The following CBX1 variants were observed in gnomAD, a reference collection of about 807,000 sequenced individuals.
CBX1 encodes chromobox protein homolog 1.
CBX1 carries 10 observed loss-of-function variants against 25.1 expected under a neutral mutation model. The observed-to-expected ratio is 0.40, with a 90% CI of 0.25 to 0.68. The LOEUF (loss-of-function observed/expected upper bound fraction) is 0.68, where lower values mean the gene tolerates loss of function less well. CBX1 is among the 30% of genes least tolerant of loss of function. The probability of loss-of-function intolerance (pLI) is 0.40; values close to 1 mark genes in which losing one functional copy is unlikely to be tolerated. For missense variants in CBX1, 106 were observed against 218.5 expected (o/e 0.49, Z 3.25); for synonymous variants, 63 against 79.4 (o/e 0.79, Z 1.10).
chr17:48,076,313 T>A, intron 2 of CBX1, 135 bp from the exon 3 acceptor site: 1 of 619,560 alleles, frequency 1.6e-6, no homozygotes, highest in Admixed American at 3.3e-5. Context: ...AGCTTTTTAG[T>A]ATAAATAGAA....
intron 4 of CBX1, among the ~76,000 whole-genome samples, chr17:48,072,649 G>A (rs1027387000): frequency 6.6e-6 from 1 of 152,024 alleles, no homozygotes; most frequent in Non-Finnish European, 1.5e-5. Context: ...CTGGTGTGGT[G>A]GCAGGCACCT....
intron 1 of CBX1, among the ~76,000 whole-genome samples, chr17:48,091,388 T>G (rs546929658): frequency 6.6e-6 from 1 of 152,168 alleles, no homozygotes; most frequent in African/African-American, 2.4e-5. Context: ...CTTTTTTTTT[T>G]TTAAGATGGA....
intron 1 of CBX1, among the ~76,000 whole-genome samples, chr17:48,080,785 G>A (rs2037722453): frequency 6.7e-6 from 1 of 150,344 alleles, no homozygotes; most frequent in Admixed American, 6.7e-5. Context: ...GCTGGGTATG[G>A]TGGCGCTCGC....
Position 48,076,962 on chromosome 17 carries a change from C to T in CBX1, c.43G>A (p.Glu15Lys). The T allele has an allele frequency of 6.2e-7, 1 of 1,613,880 alleles. No individual in the cohort carries two copies. The highest frequency in any genetic ancestry group is 8.5e-7 in the Non-Finnish European group (1 of 1,179,882). ...QNKKKVEEVL[E>K]EEEEEYVVEK... ...ACCACATATTCCTCTTCCTCCTCTTCTAGCACCTCCTCCACTTTCTTCTTG... is the reference window on the plus strand; with the variant it reads ...ACCACATATTCCTCTTCCTCCTCTTTTAGCACCTCCTCCACTTTCTTCTTG... Residue 15 changes from glutamate to lysine, a missense_variant, in exon 2 of 5, where the codon GAA becomes AAA. This residue lies in a region of CBX1 where 19 missense variants were observed against 17.3 expected (regional missense o/e 1.10). Transcript: ENST00000225603.
rs1028441972 is a variant in CBX1 at position 48,092,224 on chromosome 17, G to A, written c.-38+9044C>T. Among the ~76,000 whole-genome samples, 105 of 150,086 alleles carry A rather than the reference G, an allele frequency of 7.0e-4. 1 individual carries two copies. Among genetic ancestry groups the A allele is most frequent in the African/African-American group, 2.4e-3 (97 of 40,842 alleles). On this transcript the variant is annotated intron_variant, in intron 1 of 4. Transcript: ENST00000225603. ...AGGCTGGTCTCGAACTCCTGACCTC[G>A]GGTAATCTGCCCGCCTCGCCCTCCC... is the stretch of plus-strand genomic sequence containing the variant.
At position 48,071,206 on chromosome 17, in the gene CBX1, G is replaced by C. The variant is rs377519810; in HGVS notation, c.*229C>G. On this transcript the variant is annotated 3_prime_UTR_variant, in exon 5 of 5. Coordinates refer to ENST00000225603, the MANE Select transcript of CBX1 (RefSeq NM_001127228.2). ...GCTTTTCGCAGCAAAGTGCAGAAAA[G>C]GTTGCCTTGAAACACTTATCCCCTT... 9 of 383,524 alleles carry C rather than the reference G, an allele frequency of 2.3e-5. No homozygotes were observed. The highest frequency in any genetic ancestry group is 2.1e-4 in the Admixed American group (5 of 23,930). 23.8% of individuals were successfully genotyped at this position (383,524 alleles called of 1,614,324 possible).
chr17:48,100,647 C>G (rs1447443154), intron 1 of CBX1: 1 of 850,014 alleles, frequency 1.2e-6, no homozygotes, highest in Non-Finnish European at 1.4e-6. Context: ...CCTACTTATC[C>G]TAACAGCTCC....
intron 1 of CBX1, among the ~76,000 whole-genome samples, chr17:48,100,000 G>A (rs11869625): frequency 0.73 from 110,314 of 151,666 alleles, 40,851 homozygotes; most frequent in Admixed American, 0.82. Context: ...TTAGCCGGGC[G>A]TGGTGGCGTG....
At position 48,075,982 on chromosome 17, in the gene CBX1, T is replaced by C. The variant is rs2037671390; in HGVS notation, c.318+19A>G. ...AGTTTGAATTGTGGGCTAGTAAAAA[T>C]TCTTACTTCTATTCTTACCTCTTCT... On this transcript the variant is annotated intron_variant, in intron 3 of 4. Coordinates refer to ENST00000225603, the MANE Select transcript of CBX1 (RefSeq NM_001127228.2). 5 of 1,534,854 alleles carry C rather than the reference T, an allele frequency of 3.3e-6. No homozygotes were observed. Among genetic ancestry groups the C allele is most frequent in the Non-Finnish European group, 4.4e-6 (5 of 1,127,846 alleles).
chr17:48,071,213 T>C lies in CBX1; in HGVS notation c.*222A>G. On this transcript the variant is annotated 3_prime_UTR_variant, in exon 5 of 5. Transcript: ENST00000225603. ...GCAGCAAAGTGCAGAAAAGGTTGCCTTGAAACACTTATCCCCTTTCCCCTC... is the reference window on the plus strand; with the variant it reads ...GCAGCAAAGTGCAGAAAAGGTTGCCCTGAAACACTTATCCCCTTTCCCCTC... The C allele has an allele frequency of 2.5e-6, 1 of 396,854 alleles. No homozygotes were observed. The highest frequency in any genetic ancestry group is 4.5e-6 in the Non-Finnish European group (1 of 223,938). 24.6% of individuals were successfully genotyped at this position (396,854 alleles called of 1,614,324 possible).
intron 1 of CBX1, among the ~76,000 whole-genome samples, chr17:48,095,083 C>T (rs1275631683): frequency 2.6e-5 from 4 of 151,988 alleles, no homozygotes; most frequent in Non-Finnish European, 5.9e-5. Context: ...GTAGTGTGCT[C>T]CTGTACAGGG....
At chr17:48,074,378 C>T (rs1489652565) in intron 4 of CBX1, among the ~76,000 whole-genome samples, 3 of 152,186 alleles carry the variant, frequency 2.0e-5, no homozygotes, top group Non-Finnish European at 4.4e-5. Flanking sequence ...CTTCTTTTGA[C>T]AGAGTAGGAA....
intron 1 of CBX1, among the ~76,000 whole-genome samples, chr17:48,096,617 C>CA (rs1185601312): frequency 1.3e-5 from 2 of 151,524 alleles, no homozygotes; most frequent in Non-Finnish European, 2.9e-5. Context: ...ACTAAAAATA[C>CA]AAAAAAAGTT....
At chr17:48,088,165 C>T (rs1598311901) in intron 1 of CBX1, 1 of 150,628 alleles carries the variant, frequency 6.6e-6, no homozygotes, top group African/African-American at 2.4e-5. Context: ...CAAAAAATTA[C>T]CTGGGCGTGG....
intron 4 of CBX1, among the ~76,000 whole-genome samples, chr17:48,072,294 A>C (rs1372563606): frequency 3.3e-5 from 5 of 152,058 alleles, no homozygotes; most frequent in Non-Finnish European, 7.4e-5. Flanking sequence ...TACAGGCATG[A>C]GCCACCTCGC....
intron 4 of CBX1, among the ~76,000 whole-genome samples, 158 bp from the exon 5 acceptor site, chr17:48,071,737 T>C (rs1039867770): frequency 6.6e-6 from 1 of 152,226 alleles, no homozygotes; most frequent in African/African-American, 2.4e-5. Context: ...GGCAATTGTA[T>C]GTCAAGTGAC....
chr17:48,078,493 G>A (rs1314447124), intron 1 of CBX1, among the ~76,000 whole-genome samples: 1 of 151,216 alleles, frequency 6.6e-6, no homozygotes, highest in Non-Finnish European at 1.5e-5. Context: ...TGCCCAGTCT[G>A]TTTTTGTCTT....
intron 1 of CBX1, chr17:48,095,957 T>A (rs2063372870): frequency 6.6e-6 from 1 of 152,312 alleles, no homozygotes; most frequent in South Asian, 2.1e-4. Context: ...CTCGGCTCCC[T>A]GCAACCTCCG....
intron 3 of CBX1, 76 bp from the exon 4 acceptor site, chr17:48,075,176 T>C: frequency 1.1e-6 from 1 of 952,300 alleles, no homozygotes; most frequent in Non-Finnish European, 1.7e-6. Context: ...CCTGTGTCTC[T>C]GATTAATGTA....
Sources: allele counts gnomAD v4.1 joint callset (sites outside exome capture counted in the v4.1 genomes callset), GRCh38; gene constraint gnomAD v4.1.1; regional missense constraint gnomAD v4.1.1; transcripts MANE v1.5; gene names NCBI Gene and HGNC (gene_info 2026-07-23, HGNC 2026-07-21).